ELOVL2: variants seen among roughly 807,000 people sequenced by gnomAD.
ELOVL2 encodes very long chain fatty acid elongase 2.
A neutral mutation model predicts 37.7 loss-of-function variants in ELOVL2; 38 were observed. The ratio of observed to expected loss-of-function variants is 1.01; its 90% confidence interval spans 0.78 to 1.32. ELOVL2 has a LOEUF of 1.32. ELOVL2 is among the 40% of genes most tolerant of loss of function. ELOVL2 has a pLI of 0.00. For missense variants in ELOVL2, 352 were observed against 363.6 expected (o/e 0.97, Z 0.26); for synonymous variants, 115 against 122.3 (o/e 0.94, Z 0.40).
intron 1 of ELOVL2, chr6:11,015,672 T>G (rs1782672639): frequency 6.6e-6 from 1 of 152,188 alleles, no homozygotes; most frequent in Non-Finnish European, 1.5e-5. Flanking sequence ...TGGCATGGAA[T>G]GTGCAGCTCC....
intron 2 of ELOVL2, among the ~76,000 whole-genome samples, chr6:11,008,381 T>G (rs939284208): frequency 2.0e-5 from 3 of 152,244 alleles, no homozygotes; most frequent in Non-Finnish European, 4.4e-5. Context: ...CTCAGTGAAC[T>G]TGGCGCAGAC....
chr6:11,010,246 A>G (rs1281951753), intron 2 of ELOVL2, among the ~76,000 whole-genome samples: 1 of 150,978 alleles, frequency 6.6e-6, no homozygotes, highest in Non-Finnish European at 1.5e-5. Flanking sequence ...CTGGTCTTGA[A>G]CTCCTGACCT....
At chr6:11,032,804 A>C (rs1241151717) in intron 1 of ELOVL2, among the ~76,000 whole-genome samples, 1 of 152,210 alleles carries the variant, frequency 6.6e-6, no homozygotes, top group African/African-American at 2.4e-5. Flanking sequence ...ACAAGTAAAC[A>C]AAGATAAACA....
intron 1 of ELOVL2, among the ~76,000 whole-genome samples, chr6:11,037,532 G>A (rs566706013): frequency 4.1e-4 from 51 of 125,802 alleles, no homozygotes; most frequent in Admixed American, 1.6e-3. Flanking sequence ...TACTACACTC[G>A]TTCTACTAAA....
At chr6:11,042,053 G>A (rs1181598557) in intron 1 of ELOVL2, among the ~76,000 whole-genome samples, 1 of 151,860 alleles carries the variant, frequency 6.6e-6, no homozygotes, top group African/African-American at 2.4e-5. Flanking sequence ...CTCATGCCTT[G>A]TAATTCCAGC....
At chr6:11,013,686 G>C (rs1267493359) in intron 1 of ELOVL2, among the ~76,000 whole-genome samples, 1 of 152,136 alleles carries the variant, frequency 6.6e-6, no homozygotes, top group Non-Finnish European at 1.5e-5. Flanking sequence ...AGGACACACA[G>C]AACTGCCACA....
chr6:10,983,241 G>A lies in ELOVL2; in HGVS notation c.*540C>T, dbSNP rs1781974149. ...TAGACAAGACTCTGGCTTACAGAAA[G>A]AGAAGTTTTGCTAGATTTTTCTATC... On this transcript the variant is annotated 3_prime_UTR_variant, in exon 8 of 8. Transcript: ENST00000354666. The A allele has an allele frequency of 6.6e-6, 1 of 152,190 alleles. No homozygotes were observed. The highest frequency in any genetic ancestry group is 1.5e-5 in the Non-Finnish European group (1 of 68,040). The allele number at this position is 152,190 out of a possible 1,614,324, so 9.4% of individuals were successfully genotyped here. A position where few individuals can be genotyped will look rare whatever the true frequency, so the allele number is the denominator to read the frequency against.
intron 1 of ELOVL2, among the ~76,000 whole-genome samples, chr6:11,014,825 A>C (rs1312667828): frequency 6.6e-6 from 1 of 152,234 alleles, no homozygotes; most frequent in Non-Finnish European, 1.5e-5. Flanking sequence ...AAACTATAGG[A>C]ATTCTTTGAG....
chr6:11,008,800 A>G (rs924074037), intron 2 of ELOVL2, among the ~76,000 whole-genome samples: 4 of 152,262 alleles, frequency 2.6e-5, no homozygotes, highest in African/African-American at 9.6e-5. Context: ...GCTGTATAGA[A>G]TCAGTATCAT....
intron 3 of ELOVL2, among the ~76,000 whole-genome samples, chr6:11,004,249 T>A: frequency 6.6e-6 from 1 of 152,134 alleles, no homozygotes; most frequent in East Asian, 1.9e-4. Context: ...GAATAAACTC[T>A]CAAGAGAACT....
At chr6:11,028,090 T>C (rs1017257492) in intron 1 of ELOVL2, among the ~76,000 whole-genome samples, 5 of 152,118 alleles carry the variant, frequency 3.3e-5, no homozygotes, top group African/African-American at 1.2e-4. Flanking sequence ...ATTTGGACTT[T>C]GGGGGAAAAA....
rs955145354 is a variant in ELOVL2, at chr6:10,989,897, C to T, written c.631-60G>A. On this transcript the variant is annotated intron_variant, in intron 6 of 7. Transcript: ENST00000354666. ...GCCAGGCTGTGCCACACAGACACTG[C>T]GGCCAAGCTTGATCAATTCAGAAAT... The T allele has an allele frequency of 1.3e-4, 205 of 1,594,302 alleles. No individual in the cohort carries two copies. The African/African-American group carries it at 2.2e-3, about 17-fold the overall frequency.
In ELOVL2 at chr6:11,017,753, T is replaced by G. The variant is rs139816980; in HGVS notation, c.4-6944A>C. On this transcript the variant is annotated intron_variant, in intron 1 of 7. Coordinates refer to ENST00000354666, the MANE Select transcript of ELOVL2 (RefSeq NM_017770.4). ...TCACCATCGCCTGACCTGCTCTATT[T>G]TTTCTTTACAGCACGTATTACCCAG... Among the ~76,000 whole-genome samples, 205 of 152,314 alleles carry G rather than the reference T, an allele frequency of 1.3e-3. 2 individuals are homozygous for G. Among genetic ancestry groups the G allele is most frequent in the African/African-American group, 4.5e-3 (188 of 41,590 alleles).
intron 1 of ELOVL2, among the ~76,000 whole-genome samples, chr6:11,019,859 T>G (rs984853402): frequency 1.3e-5 from 2 of 150,984 alleles, no homozygotes; most frequent in African/African-American, 4.9e-5. Context: ...TTCTCCCGCC[T>G]CAGCCTTCTG....
chr6:11,025,093 G>A (rs143047652), intron 1 of ELOVL2, among the ~76,000 whole-genome samples: 12 of 152,246 alleles, frequency 7.9e-5, no homozygotes, highest in African/African-American at 2.6e-4. Context: ...GGGCAACGGC[G>A]TAATCTCATA....
chr6:11,042,004 T>TC (rs1210311074), intron 1 of ELOVL2, among the ~76,000 whole-genome samples: 1 of 134,942 alleles, frequency 7.4e-6, no homozygotes, highest in African/African-American at 3.1e-5. Flanking sequence ...CCTGCCCATT[T>TC]TTTTTTTAAA....
At chr6:10,993,633 A>G (rs1782205184) in intron 5 of ELOVL2, among the ~76,000 whole-genome samples, 1 of 152,168 alleles carries the variant, frequency 6.6e-6, no homozygotes, top group South Asian at 2.1e-4. Flanking sequence ...CCTAGAAATC[A>G]TGTAAGAGTA....
At chr6:10,995,772 G>A (rs1284320862) in intron 4 of ELOVL2, among the ~76,000 whole-genome samples, 1 of 152,146 alleles carries the variant, frequency 6.6e-6, no homozygotes, top group Non-Finnish European at 1.5e-5. Flanking sequence ...CTAGTGTTAC[G>A]AATCTATCAA....
rs747579070 is a variant in ELOVL2, at chr6:10,981,373, C to T, written c.*2408G>A. 1 of 152,476 alleles carries T rather than the reference C, an allele frequency of 6.6e-6. No individual in the cohort carries two copies. Among genetic ancestry groups the T allele is most frequent in the Non-Finnish European group, 1.5e-5 (1 of 68,006 alleles). The allele number at this position is 152,476 out of a possible 1,614,324, so 9.4% of individuals were successfully genotyped here. Reference sequence around the variant, plus strand: ...GGTTTTTTGAAGTTACAACACTTAACGACAGGTTAAAATGTTTACCTGATT... The same window carrying T: ...GGTTTTTTGAAGTTACAACACTTAATGACAGGTTAAAATGTTTACCTGATT... On this transcript the variant is annotated 3_prime_UTR_variant, in exon 8 of 8. Transcript: ENST00000354666.
Sources: gnomAD v4.1 joint callset for allele counts (sites outside exome capture counted in the v4.1 genomes callset) on GRCh38, gnomAD v4.1.1 for gene constraint, MANE v1.5 for transcripts, NCBI Gene and HGNC (gene_info 2026-07-23, HGNC 2026-07-21) for gene names.